Variants in LIN28B observed in about 807,000 individuals in gnomAD.
The protein encoded by LIN28B is lin-28 RNA binding posttranscriptional regulator B.
LIN28B carries 5 observed loss-of-function variants against 21.9 expected under a neutral mutation model. That is an observed-to-expected ratio of 0.23 (90% confidence interval 0.12 to 0.48). The LOEUF (loss-of-function observed/expected upper bound fraction) is 0.48. Ranked by LOEUF, LIN28B falls within the 20% of genes least tolerant of loss-of-function variation. LIN28B has a pLI of 0.98. For missense variants in LIN28B, 245 were observed against 310.5 expected (o/e 0.79, Z 1.58); for synonymous variants, 109 against 111.3 (o/e 0.98, Z 0.13).
chr6:104,953,121 C>T (rs1022389008), upstream of LIN28B, among the ~76,000 whole-genome samples: 1 of 152,224 alleles, frequency 6.6e-6, no homozygotes, highest in Non-Finnish European at 1.5e-5. Context: ...GGGTCGGCGG[C>T]TTTCAGGCGG....
chr6:105,072,693 AAATAAAAATT>A (rs1306703856), intron 3 of LIN28B, among the ~76,000 whole-genome samples: 2 of 152,228 alleles, frequency 1.3e-5, no homozygotes, highest in African/African-American at 4.8e-5. Context: ...AAACATACTT[AAATAAAAATT>A]AACTTTACTA....
intron 2 of LIN28B, among the ~76,000 whole-genome samples, chr6:104,967,110 A>C (rs1769878094): frequency 6.6e-6 from 1 of 151,970 alleles, no homozygotes; most frequent in African/African-American, 2.4e-5. Flanking sequence ...CTGGAAATTA[A>C]CCTTTATCCT....
At chr6:105,055,410 C>T (rs1382878397) in intron 3 of LIN28B, among the ~76,000 whole-genome samples, 3 of 152,110 alleles carry the variant, frequency 2.0e-5, no homozygotes, top group Non-Finnish European at 2.9e-5. Flanking sequence ...ATTCATGGGA[C>T]AGGATACTGG....
At chr6:104,968,624 T>C (rs1275796260) in intron 2 of LIN28B, among the ~76,000 whole-genome samples, 1 of 152,202 alleles carries the variant, frequency 6.6e-6, no homozygotes, top group African/African-American at 2.4e-5. Context: ...TATGGTGTTA[T>C]AGGATATAAA....
At chr6:105,020,441 C>T (rs1028176383) in intron 2 of LIN28B, among the ~76,000 whole-genome samples, 1 of 151,716 alleles carries the variant, frequency 6.6e-6, no homozygotes, top group Non-Finnish European at 1.5e-5. Context: ...TGCAGCCTCC[C>T]TAGTAGCTGG....
intron 3 of LIN28B, among the ~76,000 whole-genome samples, chr6:105,077,754 C>A (rs765254921): frequency 8.5e-5 from 13 of 152,174 alleles, no homozygotes; most frequent in Non-Finnish European, 1.8e-4. Flanking sequence ...CTGATTCAGA[C>A]ATTTACTCTA....
intron 3 of LIN28B, among the ~76,000 whole-genome samples, chr6:105,066,529 GTCTT>G (rs1361271424): frequency 6.6e-6 from 1 of 151,936 alleles, no homozygotes. Flanking sequence ...ACTTCTATAC[GTCTT>G]TCTTTCCTTT....
chr6:105,017,746 G>A (rs1771057752), intron 2 of LIN28B, among the ~76,000 whole-genome samples: 2 of 152,012 alleles, frequency 1.3e-5, no homozygotes, highest in African/African-American at 4.8e-5. Context: ...TAGAGAAGGA[G>A]GGGAGGGAGA....
intron 2 of LIN28B, among the ~76,000 whole-genome samples, chr6:104,982,647 T>C (rs1403476758): frequency 6.6e-6 from 1 of 152,204 alleles, no homozygotes; most frequent in Admixed American, 6.5e-5. Flanking sequence ...AATCATCTCA[T>C]GGGCCATATG....
chr6:104,970,348 T>C (rs1769948632), intron 2 of LIN28B, among the ~76,000 whole-genome samples: 1 of 152,178 alleles, frequency 6.6e-6, no homozygotes, highest in South Asian at 2.1e-4. Context: ...TGTTTCTTCC[T>C]GTAGAAAGGA....
At chr6:104,999,153 TTTTA>T (rs969112187) in intron 2 of LIN28B, among the ~76,000 whole-genome samples, 48 of 152,232 alleles carry the variant, frequency 3.2e-4, no homozygotes, top group African/African-American at 1.1e-3. Flanking sequence ...AATGTTATTA[TTTTA>T]TTTATTTATT....
intron 2 of LIN28B, among the ~76,000 whole-genome samples, chr6:104,994,828 TC>T (rs2114277896): frequency 1.3e-5 from 2 of 152,302 alleles, no homozygotes; most frequent in East Asian, 3.9e-4. Flanking sequence ...TATTGAAAGG[TC>T]GGCTTTAAAC....
At chr6:104,950,608 TCTC>T (rs1325355598) in intron 3 of LIN28B, 1 of 632,852 alleles carries the variant, frequency 1.6e-6, no homozygotes, top group Non-Finnish European at 2.3e-6. Flanking sequence ...CCTCAGGAAT[TCTC>T]CATCCTTTCT....
intron 3 of LIN28B, among the ~76,000 whole-genome samples, chr6:105,048,916 TA>T (rs1237640171): frequency 6.6e-6 from 1 of 152,222 alleles, no homozygotes; most frequent in Non-Finnish European, 1.5e-5. Flanking sequence ...TTTTCTTCTT[TA>T]TTAGTCTTGC....
At chr6:104,998,439 ATAGT>A (rs1770656473) in intron 2 of LIN28B, among the ~76,000 whole-genome samples, 1 of 152,148 alleles carries the variant, frequency 6.6e-6, no homozygotes. Flanking sequence ...TCTTTGTATA[ATAGT>A]TTATTGTTAA....
At chr6:104,989,782 GA>G (rs1183321641) in intron 2 of LIN28B, among the ~76,000 whole-genome samples, 4 of 151,656 alleles carry the variant, frequency 2.6e-5, no homozygotes, top group African/African-American at 9.7e-5. Flanking sequence ...AGTAGAGATG[GA>G]ATTTCACCAT....
At chr6:105,032,118 T>C (rs1005960763) in intron 3 of LIN28B, among the ~76,000 whole-genome samples, 2 of 152,216 alleles carry the variant, frequency 1.3e-5, no homozygotes, top group African/African-American at 4.8e-5. Flanking sequence ...TAGTTCACTT[T>C]TTTGCTGAAT....
chr6:105,015,773 A>T (rs1476122845), intron 2 of LIN28B, among the ~76,000 whole-genome samples: 1 of 152,206 alleles, frequency 6.6e-6, no homozygotes, highest in Non-Finnish European at 1.5e-5. Flanking sequence ...TGTAGAGGCA[A>T]TACCATGCCA....
At chr6:105,020,240 T>C (rs1456576225) in intron 2 of LIN28B, among the ~76,000 whole-genome samples, 1 of 150,990 alleles carries the variant, frequency 6.6e-6, no homozygotes, top group Non-Finnish European at 1.5e-5. Context: ...CCTTCCAAAA[T>C]GTTGGGATTA....
Sources: allele counts gnomAD v4.1 joint callset (sites outside exome capture counted in the v4.1 genomes callset), GRCh38; gene constraint gnomAD v4.1.1; transcripts MANE v1.5; gene names NCBI Gene and HGNC (gene_info 2026-07-23, HGNC 2026-07-21).